Variants in AGBL4 observed in about 807,000 individuals in gnomAD.
AGBL4 encodes the protein cytosolic carboxypeptidase 6.
AGBL4 carries 58 observed loss-of-function variants against 66.4 expected under a neutral mutation model. The observed-to-expected ratio is 0.87, with a 90% confidence interval of 0.71 to 1.09. The LOEUF (loss-of-function observed/expected upper bound fraction) is 1.09, where lower values mean the gene tolerates loss of function less well. Among genes scored for constraint, AGBL4 ranks in the 50% least tolerant of loss-of-function variants. The probability of loss-of-function intolerance (pLI) is 0.00; values close to 1 mark genes in which losing one functional copy is unlikely to be tolerated. For missense variants in AGBL4, 579 were observed against 631.0 expected (o/e 0.92, Z 0.88); for synonymous variants, 234 against 222.9 (o/e 1.05, Z -0.44).
intron 5 of AGBL4, among the ~76,000 whole-genome samples, chr1:48,925,509 T>A (rs1457046275): frequency 1.3e-5 from 2 of 151,986 alleles, no homozygotes; most frequent in East Asian, 1.9e-4. Context: ...TTATGAGATT[T>A]TTTTTGTGTT....
At chr1:49,948,191 T>TATATGTAA (rs1655597670) in intron 1 of AGBL4, among the ~76,000 whole-genome samples, 3 of 97,866 alleles carry the variant, frequency 3.1e-5, no homozygotes, top group Non-Finnish European at 5.3e-5. Context: ...TATATATAAA[T>TATATGTAA]ATATATAAAT....
intron 5 of AGBL4, among the ~76,000 whole-genome samples, chr1:49,004,129 G>A (rs922998620): frequency 1.5e-4 from 23 of 152,170 alleles, no homozygotes; most frequent in South Asian, 4.2e-4. Flanking sequence ...CTCTTACTCC[G>A]CATAACTCTA....
At chr1:48,679,409 G>C (rs944711510) in intron 6 of AGBL4, among the ~76,000 whole-genome samples, 2 of 152,172 alleles carry the variant, frequency 1.3e-5, no homozygotes, top group African/African-American at 2.4e-5. Context: ...AAGGCTGCCT[G>C]ACAGGCCTAG....
At chr1:49,284,128 G>T (rs1644348230) in intron 3 of AGBL4, among the ~76,000 whole-genome samples, 1 of 152,084 alleles carries the variant, frequency 6.6e-6, no homozygotes, top group Non-Finnish European at 1.5e-5. Context: ...AGAAAGGTCG[G>T]GTTACCCTCA....
intron 3 of AGBL4, among the ~76,000 whole-genome samples, chr1:49,293,965 G>A (rs1403402867): frequency 6.6e-6 from 1 of 152,112 alleles, no homozygotes; most frequent in Non-Finnish European, 1.5e-5. Context: ...TTCAGCTCTG[G>A]AGCAGAACTA....
chr1:49,988,837 G>A (rs563394533), intron 1 of AGBL4, among the ~76,000 whole-genome samples: 4 of 152,210 alleles, frequency 2.6e-5, no homozygotes, highest in African/African-American at 9.6e-5. Flanking sequence ...ACTGCAAGAG[G>A]ATTAATATTA....
At chr1:48,592,711 A>T (rs1232209026) in intron 9 of AGBL4, among the ~76,000 whole-genome samples, 1 of 152,184 alleles carries the variant, frequency 6.6e-6, no homozygotes, top group Non-Finnish European at 1.5e-5. Flanking sequence ...ATATCTCTCG[A>T]TGTCAGAGCT....
rs886886319 is a variant in AGBL4 at position 48,587,162 on chromosome 1, C to T, written c.1109G>A (p.Ser370Asn). The T allele has an allele frequency of 6.4e-7, 1 of 1,552,064 alleles. No homozygotes were observed. Among genetic ancestry groups the T allele is most frequent in the Non-Finnish European group, 8.7e-7 (1 of 1,147,410 alleles). The change falls in exon 11 of 14, where the codon AGC (serine) becomes AAC (asparagine). Residue 370 changes from serine to asparagine, a missense_variant. Physicochemically the swap from Ser to Asn is conservative, Grantham distance 46 (BLOSUM62 1). Transcript: ENST00000371839. The part of the protein sequence containing the change: ...CQNAEDFSYS[S>N]TSFNRDAVKA... Reference sequence around the variant, plus strand: ...CACAGCGTCCCGGTTAAAGGATGTGCTGGACTGTGAAAGACAGAGTAGGGA... The same window carrying T: ...CACAGCGTCCCGGTTAAAGGATGTGTTGGACTGTGAAAGACAGAGTAGGGA...
At chr1:49,562,252 G>A (rs1296206872) in intron 3 of AGBL4, among the ~76,000 whole-genome samples, 1 of 152,068 alleles carries the variant, frequency 6.6e-6, no homozygotes, top group Admixed American at 6.6e-5. Context: ...CTCCCATTCT[G>A]TAGGTTGCCT....
chr1:48,972,764 T>C (rs1017246223), intron 5 of AGBL4, among the ~76,000 whole-genome samples: 3 of 152,174 alleles, frequency 2.0e-5, no homozygotes, highest in Non-Finnish European at 4.4e-5. Flanking sequence ...TTGTTCATTT[T>C]TTGGCAGATA....
chr1:49,717,015 G>A (rs1571394936), intron 2 of AGBL4, among the ~76,000 whole-genome samples: 1 of 151,998 alleles, frequency 6.6e-6, no homozygotes, highest in Non-Finnish European at 1.5e-5. Context: ...CATGATCATA[G>A]ATTTAGAAAA....
chr1:49,983,325 C>G (rs1026474609), intron 1 of AGBL4, among the ~76,000 whole-genome samples: 1 of 152,242 alleles, frequency 6.6e-6, no homozygotes, highest in South Asian at 2.1e-4. Flanking sequence ...CAGTGCCAGA[C>G]AAGGAAGCTG....
At chr1:49,782,742 T>C (rs754967716) in intron 2 of AGBL4, among the ~76,000 whole-genome samples, 2 of 152,192 alleles carry the variant, frequency 1.3e-5, no homozygotes, top group African/African-American at 4.8e-5. Flanking sequence ...GCAGAAGCAG[T>C]TCCTTATGAA....
rs574140129 is a variant in AGBL4 at position 48,916,271 on chromosome 1, A to T, written c.595-49041T>A. On this transcript the variant is annotated intron_variant, in intron 5 of 13. Coordinates refer to ENST00000371839, the MANE Select transcript of AGBL4 (RefSeq NM_032785.4). Reference sequence around the variant, plus strand: ...AGTACAGGGAAAATGGTTCCCCTGCAGTTAGAGCATAAACTTTCCCATCTG... The same window carrying T: ...AGTACAGGGAAAATGGTTCCCCTGCTGTTAGAGCATAAACTTTCCCATCTG... Among the ~76,000 whole-genome samples the T allele has an allele frequency of 3.3e-5, 5 of 152,342 alleles. No individual in the cohort carries two copies. The South Asian group carries it at 1.0e-3, about 32-fold the overall frequency.
chr1:48,880,251 A>G (rs189603510), intron 5 of AGBL4, among the ~76,000 whole-genome samples: 1 of 152,332 alleles, frequency 6.6e-6, no homozygotes, highest in East Asian at 1.9e-4. Flanking sequence ...TTCACTCAGA[A>G]TAATAGTCTC....
rs80010406 is a variant in AGBL4 at position 49,052,748 on chromosome 1, C to A, written c.378-6948G>T. 2.0e-5 allele frequency among the ~76,000 whole-genome samples: 3 copies of A among 152,022 alleles called. No homozygotes were observed. In the South Asian group the frequency reaches 6.2e-4, roughly 32 times the overall value. Reference sequence around the variant, plus strand: ...GCTGTGAAGTCACTAGACTGGGATCCCCTTGTCACCTTGCATAAAACCTAG... The same window carrying A: ...GCTGTGAAGTCACTAGACTGGGATCACCTTGTCACCTTGCATAAAACCTAG... On this transcript the variant is annotated intron_variant, in intron 4 of 13. Coordinates refer to ENST00000371839, the MANE Select transcript of AGBL4 (RefSeq NM_032785.4).
chr1:49,386,962 T>C (rs953769679), intron 3 of AGBL4, among the ~76,000 whole-genome samples: 7 of 151,940 alleles, frequency 4.6e-5, no homozygotes, highest in African/African-American at 1.7e-4. Context: ...AACACATATG[T>C]GATAGCATTT....
At chr1:48,781,458 T>C (rs547593168) in intron 6 of AGBL4, among the ~76,000 whole-genome samples, 1 of 152,350 alleles carries the variant, frequency 6.6e-6, no homozygotes, top group African/African-American at 2.4e-5. Flanking sequence ...CTGGAGACCA[T>C]AGCCCTGGGC....
intron 6 of AGBL4, among the ~76,000 whole-genome samples, chr1:48,833,381 A>G (rs1463846634): frequency 6.6e-6 from 1 of 152,214 alleles, no homozygotes; most frequent in Non-Finnish European, 1.5e-5. Flanking sequence ...ACTTGCAAAC[A>G]ATGAAATTGG....
Sources: allele counts gnomAD v4.1 joint callset (sites outside exome capture counted in the v4.1 genomes callset), GRCh38; gene constraint gnomAD v4.1.1; transcripts MANE v1.5; gene names NCBI Gene and HGNC (gene_info 2026-07-23, HGNC 2026-07-21).